The following DLC1 variants were observed in gnomAD, a reference collection of about 807,000 sequenced individuals.
DLC1 encodes the protein DLC1 Rho GTPase activating protein.
A neutral mutation model predicts 140.3 loss-of-function variants in DLC1; 54 were observed. That is an observed-to-expected ratio of 0.38 (90% CI 0.31 to 0.48). DLC1 has a LOEUF of 0.48. Among genes scored for constraint, DLC1 ranks in the 20% least tolerant of loss-of-function variants. The probability of loss-of-function intolerance (pLI) is 0.96; values close to 1 mark genes in which losing one functional copy is unlikely to be tolerated. For synonymous variants in DLC1, 986 were observed against 728.1 expected, an observed-to-expected ratio of 1.35 and a Z score of -5.70; for missense variants, 2,536 against 1,907.0, an observed-to-expected ratio of 1.33 and a Z score of -6.14.
chr8:13,551,075 CTTTTTTTTTTTTTCCAAAGA>C (rs1803832491), intron 1 of DLC1, among the ~76,000 whole-genome samples: 1 of 121,718 alleles, frequency 8.2e-6, no homozygotes, highest in African/African-American at 3.0e-5. Flanking sequence ...CACACACACA[CTTTTTTTTTTTTTCCAAAGA>C]ACACTTTGTG....
chr8:13,520,744 A>G (rs1802739950), intron 1 of DLC1, among the ~76,000 whole-genome samples: 1 of 152,058 alleles, frequency 6.6e-6, no homozygotes, highest in African/African-American at 2.4e-5. Flanking sequence ...ACCATCAGAA[A>G]CTCAAAGATT....
intron 1 of DLC1, among the ~76,000 whole-genome samples, chr8:13,573,888 TA>T (rs1428427075): frequency 6.6e-6 from 1 of 152,186 alleles, no homozygotes; most frequent in African/African-American, 2.4e-5. Context: ...GTGGCTTAAT[TA>T]ATATGCTTTT....
intron 1 of DLC1, among the ~76,000 whole-genome samples, chr8:13,579,329 A>T (rs1190186198): frequency 0.031 from 416 of 13,568 alleles, 70 homozygotes; most frequent in Non-Finnish European, 0.048. Context: ...ATATATATAT[A>T]TATATATATA....
chr8:13,521,125 A>G (rs1260247803), intron 1 of DLC1, among the ~76,000 whole-genome samples: 2 of 152,110 alleles, frequency 1.3e-5, no homozygotes, highest in African/African-American at 4.8e-5. Flanking sequence ...GCTGGAAGCC[A>G]TAATCCTCAG....
At chr8:13,114,269 G>A (rs1255267520) in intron 6 of DLC1, among the ~76,000 whole-genome samples, 1 of 152,194 alleles carries the variant, frequency 6.6e-6, no homozygotes, top group African/African-American at 2.4e-5. Flanking sequence ...GGCTGAGGCA[G>A]GTGAATCGCT....
At chr8:13,312,646 C>T (rs1001388120) in intron 4 of DLC1, among the ~76,000 whole-genome samples, 6 of 151,708 alleles carry the variant, frequency 4.0e-5, no homozygotes, top group Non-Finnish European at 7.4e-5. Context: ...AGAAAAAATG[C>T]CTATTAAAAT....
chr8:13,177,026 T>A (rs557107135), intron 5 of DLC1, among the ~76,000 whole-genome samples: 1 of 152,354 alleles, frequency 6.6e-6, no homozygotes, highest in African/African-American at 2.4e-5. Flanking sequence ...ATCTTGAATC[T>A]AATCTAAACT....
intron 1 of DLC1, among the ~76,000 whole-genome samples, chr8:13,578,360 G>A (rs1804921820): frequency 6.6e-6 from 1 of 152,100 alleles, no homozygotes; most frequent in East Asian, 1.9e-4. Context: ...CTCTTACACA[G>A]TCACTCAACA....
intron 2 of DLC1, among the ~76,000 whole-genome samples, chr8:13,407,312 C>G (rs994162160): frequency 1.4e-4 from 22 of 152,132 alleles, no homozygotes; most frequent in Admixed American, 1.4e-3. Flanking sequence ...TTCTGTGAGG[C>G]TTAAACAACA....
intron 5 of DLC1, among the ~76,000 whole-genome samples, chr8:13,235,967 A>C (rs1009025591): frequency 8.4e-6 from 1 of 119,262 alleles, no homozygotes; most frequent in African/African-American, 3.3e-5. Context: ...AAGAAGTAAT[A>C]GAAGGCAAAG....
chr8:13,124,748 T>C (rs564704530), intron 5 of DLC1, among the ~76,000 whole-genome samples: 2 of 152,340 alleles, frequency 1.3e-5, no homozygotes, highest in Admixed American at 1.3e-4. Context: ...AGTTTTTGAC[T>C]CTAATATTTC....
chr8:13,369,741 C>T (rs898608276), intron 4 of DLC1, among the ~76,000 whole-genome samples: 1 of 152,010 alleles, frequency 6.6e-6, no homozygotes, highest in Non-Finnish European at 1.5e-5. Flanking sequence ...GAGGGTTACA[C>T]TTGCCTCCTG....
At position 13,560,025 on chromosome 8, in the gene DLC1, A is replaced by G. The variant is rs557011011; in HGVS notation, c.-126+44512T>C. 5.3e-5 allele frequency among the ~76,000 whole-genome samples: 8 copies of G among 152,340 alleles called. No individual in the cohort carries two copies. The South Asian group carries it at 1.7e-3, about 32-fold the overall frequency. Reference sequence around the variant, plus strand: ...ACTAGCGTCAGAAAACCTAGATATTATGTTATCATACAATTTCCAAGACAA... The same window carrying G: ...ACTAGCGTCAGAAAACCTAGATATTGTGTTATCATACAATTTCCAAGACAA... On this transcript the variant is annotated intron_variant, in intron 1 of 1. Coordinates refer to the DLC1 transcript ENST00000631382.
At chr8:13,412,873 A>G (rs1036481844) in intron 2 of DLC1, among the ~76,000 whole-genome samples, 2 of 145,238 alleles carry the variant, frequency 1.4e-5, no homozygotes, top group African/African-American at 5.0e-5. Flanking sequence ...CGGAGCTTGC[A>G]GTAAGCTGAG....
At chr8:13,584,454 A>T (rs144835463) in intron 1 of DLC1, 1 of 152,344 alleles carries the variant, frequency 6.6e-6, no homozygotes, top group Non-Finnish European at 1.5e-5. Flanking sequence ...GAGAGTATCA[A>T]TGAAAAAGTT....
chr8:13,094,739 T>A lies in DLC1; in HGVS notation c.3526+20A>T. 1 of 1,613,932 alleles carries A rather than the reference T, an allele frequency of 6.2e-7. No individual in the cohort carries two copies. The highest frequency in any genetic ancestry group is 8.5e-7 in the Non-Finnish European group (1 of 1,179,860). ...CATTTTTCCCCAATGCCAACAATCT[T>A]AAGATCAAAGGACACTCACATTGGT... On this transcript the variant is annotated intron_variant, in intron 12 of 17. Transcript: ENST00000276297.
chr8:13,560,769 G>A (rs984627927), intron 1 of DLC1, among the ~76,000 whole-genome samples: 1 of 149,836 alleles, frequency 6.7e-6, no homozygotes, highest in African/African-American at 2.4e-5. Context: ...TGTCCCTGTG[G>A]GGGGGGAGGG....
chr8:13,404,412 AT>A (rs1425102669), intron 2 of DLC1, among the ~76,000 whole-genome samples: 5 of 152,158 alleles, frequency 3.3e-5, no homozygotes, highest in African/African-American at 1.2e-4. Context: ...CAGCTGGCAT[AT>A]GGTGACTCCG....
intron 5 of DLC1, among the ~76,000 whole-genome samples, chr8:13,233,959 T>C (rs1487904862): frequency 6.6e-6 from 1 of 152,200 alleles, no homozygotes; most frequent in East Asian, 1.9e-4. Flanking sequence ...TCTCAACCAT[T>C]CACGAGCTAC....
Sources: gnomAD v4.1 joint callset for allele counts (sites outside exome capture counted in the v4.1 genomes callset) on GRCh38, gnomAD v4.1.1 for gene constraint, MANE v1.5 for transcripts, NCBI Gene and HGNC (gene_info 2026-07-23, HGNC 2026-07-21) for gene names.